Variants in GLDC observed in about 807,000 individuals in gnomAD.
GLDC encodes glycine dehydrogenase (decarboxylating), mitochondrial.
Under a neutral mutation model 121.3 loss-of-function variants are expected in GLDC, and 104 were observed. The ratio of observed to expected loss-of-function variants is 0.86; its 90% CI spans 0.73 to 1.01. The LOEUF is 1.01. Ranked by LOEUF, GLDC falls within the 50% of genes least tolerant of loss-of-function variation. The pLI is 0.00. For synonymous variants in GLDC, 546 were observed against 480.6 expected (o/e 1.14, Z -1.78); for missense variants, 1,429 against 1,306.6 (o/e 1.09, Z -1.44).
In GLDC at chr9:6,568,528, G is replaced by GCA. The variant is rs1817893370; in HGVS notation, c.1851-3101_1851-3100dup. ...CCTCAGAAACACCAAGTTTATGTGA[G>GCA]CACAGCTTAAACTGTCCTAGAAAAA... On this transcript the variant is annotated intron_variant, in intron 15 of 24. Transcript: ENST00000321612. Among the ~76,000 whole-genome samples, 6 of 152,174 alleles carry GCA rather than the reference G, an allele frequency of 3.9e-5. 1 individual carries two copies. Among genetic ancestry groups the GCA allele is most frequent in the Admixed American group, 3.3e-4 (5 of 15,284 alleles).
intron 21 of GLDC, among the ~76,000 whole-genome samples, chr9:6,547,817 T>C (rs945732147): frequency 4.6e-5 from 7 of 152,108 alleles, no homozygotes; most frequent in Admixed American, 3.9e-4. Flanking sequence ...ATAATATACA[T>C]TTAAAAAATA....
At chr9:6,637,579 G>A (rs973173601) in intron 2 of GLDC, among the ~76,000 whole-genome samples, 6 of 152,006 alleles carry the variant, frequency 3.9e-5, no homozygotes, top group African/African-American at 4.8e-5. Context: ...CTATTCTCCT[G>A]CCTCAGACTC....
intron 4 of GLDC, among the ~76,000 whole-genome samples, chr9:6,609,958 T>C (rs1350580029): frequency 6.6e-6 from 1 of 151,882 alleles, no homozygotes; most frequent in African/African-American, 2.4e-5. Flanking sequence ...ACCTCAGCCC[T>C]CCCGTCTGAT....
chr9:6,629,959 T>TATATATATATGTATACATA (rs1449751329), intron 2 of GLDC, among the ~76,000 whole-genome samples: 1 of 55,870 alleles, frequency 1.8e-5, no homozygotes, highest in African/African-American at 1.5e-4. Flanking sequence ...ATATATATAT[T>TATATATATATGTATACATA]TTTTTTTTTT....
Position 6,645,228 on chromosome 9 carries a change from C to T in GLDC, c.255+17G>A. Reference sequence around the variant, plus strand: ...GGGCGGAGGGGAGGCCGCGGAGGGCCGGGTGGAGGTCCTTACCGCCAGCCC... The same window carrying T: ...GGGCGGAGGGGAGGCCGCGGAGGGCTGGGTGGAGGTCCTTACCGCCAGCCC... On this transcript the variant is annotated intron_variant, in intron 1 of 24. Transcript: ENST00000321612. 6.4e-7 allele frequency: 1 copy of T among 1,573,158 alleles called. No homozygotes were observed. The highest frequency in any genetic ancestry group is 1.4e-5 in the African/African-American group (1 of 72,608).
At chr9:6,592,408 G>T (rs928606295) in intron 10 of GLDC, among the ~76,000 whole-genome samples, 185 bp from the exon 11 acceptor site, 13 of 152,206 alleles carry the variant, frequency 8.5e-5, no homozygotes, top group Non-Finnish European at 1.0e-4. Flanking sequence ...GTTTCACAAG[G>T]CTTCGAGTTT....
intron 8 of GLDC, among the ~76,000 whole-genome samples, chr9:6,601,522 T>C (rs1458433931): frequency 1.4e-5 from 2 of 145,264 alleles, no homozygotes; most frequent in African/African-American, 5.7e-5. Context: ...ATGCTTTTTA[T>C]TTTTTTTAGT....
At position 6,606,598 on chromosome 9, in the gene GLDC, C is replaced by T. The variant is rs772832052; in HGVS notation, c.707G>A (p.Arg236Gln). ...CACGAATCAAATTAATTACTTGGCTCGAGTCTGGACAACAGCTATTGTCTG... is the reference window on the plus strand; with the variant it reads ...CACGAATCAAATTAATTACTTGGCTTGAGTCTGGACAACAGCTATTGTCTG... Reference protein sequence around the residue: ...HPQTIAVVQTRAKYTGVLTEL... With the variant: ...HPQTIAVVQTQAKYTGVLTEL... The change falls in exon 5 of 25, where the codon CGA becomes CAA. Residue 236 changes from arginine (R) to glutamine (Q), a missense_variant. Transcript: ENST00000321612. The T allele has an allele frequency of 7.6e-6, 12 of 1,578,896 alleles. No homozygotes were observed. In the South Asian group the frequency reaches 1.2e-4, roughly 16 times the overall value.
At chr9:6,561,653 G>A (rs113442711) in intron 16 of GLDC, among the ~76,000 whole-genome samples, 1 of 151,682 alleles carries the variant, frequency 6.6e-6, no homozygotes, top group Non-Finnish European at 1.5e-5. Context: ...TCTCTTGGGG[G>A]AAAAAAATTG....
chr9:6,533,758 T>C (rs528704815), intron 24 of GLDC, among the ~76,000 whole-genome samples: 1 of 151,558 alleles, frequency 6.6e-6, no homozygotes, highest in South Asian at 2.1e-4. Context: ...CTTGGGAGGC[T>C]AAGGTAGGAG....
intron 4 of GLDC, 46 bp downstream of exon 4, chr9:6,610,146 G>A (rs1275055449): frequency 4.1e-6 from 6 of 1,446,818 alleles, no homozygotes; most frequent in African/African-American, 1.4e-5. Flanking sequence ...AAGGCCAGGC[G>A]AGGTGGCCCA....
chr9:6,635,925 G>T (rs1271567403), intron 2 of GLDC, among the ~76,000 whole-genome samples: 2 of 151,980 alleles, frequency 1.3e-5, no homozygotes, highest in Non-Finnish European at 2.9e-5. Context: ...AAATAAAAAT[G>T]ATAATAATGA....
intron 8 of GLDC, among the ~76,000 whole-genome samples, chr9:6,595,416 A>G (rs1003703753): frequency 3.3e-5 from 5 of 152,188 alleles, no homozygotes; most frequent in Admixed American, 2.6e-4. Flanking sequence ...TCACACTACC[A>G]TCAGACATTG....
intron 7 of GLDC, 94 bp from the exon 8 acceptor site, chr9:6,602,299 T>C: frequency 1.2e-6 from 1 of 826,416 alleles, no homozygotes; most frequent in Non-Finnish European, 2.1e-6. Flanking sequence ...CAGCTTGAAG[T>C]GAATTCAGCA....
intron 10 of GLDC, 79 bp downstream of exon 10, chr9:6,592,772 A>G: frequency 7.2e-7 from 1 of 1,397,836 alleles, no homozygotes; most frequent in African/African-American, 1.5e-5. Context: ...TTATTTTTTA[A>G]AAACAAAGAG....
intron 21 of GLDC, among the ~76,000 whole-genome samples, chr9:6,547,390 A>G (rs1012668684): frequency 6.6e-6 from 1 of 152,180 alleles, no homozygotes; most frequent in Non-Finnish European, 1.5e-5. Flanking sequence ...CATTGGCTAC[A>G]TATACTAAAA....
chr9:6,610,428 A>G, intron 3 of GLDC, 72 bp from the exon 4 acceptor site: 1 of 1,443,930 alleles, frequency 6.9e-7, no homozygotes, highest in Admixed American at 1.8e-5. Context: ...CTATCATTTC[A>G]GAATTCAGTA....
At chr9:6,638,302 G>A (rs901274879) in intron 2 of GLDC, among the ~76,000 whole-genome samples, 17 of 151,784 alleles carry the variant, frequency 1.1e-4, no homozygotes, top group Admixed American at 3.3e-4. Flanking sequence ...TCCACCTTCC[G>A]GGTTCAAGCG....
chr9:6,625,547 G>A (rs572653970), intron 2 of GLDC, among the ~76,000 whole-genome samples: 1 of 152,252 alleles, frequency 6.6e-6, no homozygotes, highest in Admixed American at 6.5e-5. Context: ...CTCATACCCA[G>A]CCCCAGGAGA....
Sources: allele counts gnomAD v4.1 joint callset (sites outside exome capture counted in the v4.1 genomes callset), GRCh38; gene constraint gnomAD v4.1.1; transcripts MANE v1.5; gene names NCBI Gene and HGNC (gene_info 2026-07-23, HGNC 2026-07-21).